MMAB: variants seen among roughly 807,000 people sequenced by gnomAD.
MMAB encodes metabolism of cobalamin associated B.
MMAB carries 17 observed loss-of-function variants against 30.6 expected under a neutral mutation model. The ratio of observed to expected loss-of-function variants is 0.56; its 90% CI spans 0.38 to 0.83. The LOEUF (loss-of-function observed/expected upper bound fraction) is 0.83. Ranked by LOEUF, MMAB falls within the 40% of genes least tolerant of loss-of-function variation. MMAB has a pLI of 0.00. For synonymous variants in MMAB, 134 were observed against 138.6 expected (o/e 0.97, Z 0.23); for missense variants, 311 against 331.6 (o/e 0.94, Z 0.48).
intron 4 of MMAB, among the ~76,000 whole-genome samples, 153 bp from the exon 5 acceptor site, chr12:109,562,005 T>G (rs1313629533): frequency 6.6e-6 from 1 of 152,172 alleles, no homozygotes; most frequent in Non-Finnish European, 1.5e-5. Context: ...CCCATCCAAA[T>G]CTCATGTTAA....
At position 109,556,026 on chromosome 12, in the gene MMAB, C is replaced by A. The variant is rs907744825; in HGVS notation, c.*1002G>T. ...TTCCAAAGTCATTTCCTGCAATTAG[C>A]AGCCTGCAGTCTTTAGGTTCTTGGG... On this transcript the variant is annotated 3_prime_UTR_variant, in exon 9 of 9. Coordinates refer to ENST00000545712, the MANE Select transcript of MMAB (RefSeq NM_052845.4). 1 of 454,086 alleles carries A rather than the reference C, an allele frequency of 2.2e-6. No homozygotes were observed. Among genetic ancestry groups the A allele is most frequent in the Non-Finnish European group, 4.4e-6 (1 of 226,768 alleles). The allele number at this position is 454,086 out of a possible 1,614,324, so 28.1% of individuals were successfully genotyped here.
chr12:109,566,517 T>C (rs527674953), intron 3 of MMAB, among the ~76,000 whole-genome samples: 1 of 152,318 alleles, frequency 6.6e-6, no homozygotes, highest in African/African-American at 2.4e-5. Context: ...ACAGGAGGTG[T>C]GCAGAAGTAC....
intron 7 of MMAB, among the ~76,000 whole-genome samples, chr12:109,559,513 G>T (rs1316733756): frequency 6.6e-6 from 1 of 152,166 alleles, no homozygotes; most frequent in Non-Finnish European, 1.5e-5. Context: ...AGGAAGTGGG[G>T]GCCTGACCCT....
In MMAB at chr12:109,556,330, G is replaced by A. The variant is rs934394581; in HGVS notation, c.*698C>T. On this transcript the variant is annotated 3_prime_UTR_variant, in exon 9 of 9. Coordinates refer to ENST00000545712, the MANE Select transcript of MMAB (RefSeq NM_052845.4). ...CCAGACAGGGAATGTTCACCTTCAA[G>A]TGGTAGTGTTGTTCTCATCAGCATC... 22 of 453,482 alleles carry A rather than the reference G, an allele frequency of 4.9e-5. No individual in the cohort carries two copies. The highest frequency in any genetic ancestry group is 9.7e-5 in the Non-Finnish European group (22 of 226,384). The allele number at this position is 453,482 out of a possible 1,614,324, so 28.1% of individuals were successfully genotyped here.
At chr12:109,560,354 C>T (rs1188937259) in intron 7 of MMAB, among the ~76,000 whole-genome samples, 1 of 152,182 alleles carries the variant, frequency 6.6e-6, no homozygotes. Context: ...GCCACCACCA[C>T]CTCTCTCCCA....
rs2136208348 is a variant in MMAB at position 109,568,811 on chromosome 12, A to C, written c.249T>G (p.Phe83Leu). 1 of 1,614,234 alleles carries C rather than the reference A, an allele frequency of 6.2e-7. No individual in the cohort carries two copies. Among genetic ancestry groups the C allele is most frequent in the Middle Eastern group, 1.6e-4 (1 of 6,062 alleles). The stretch of plus-strand genomic sequence containing the variant: ...ATTCATCTGTAGTTCCCACGGCTTC[A>C]AACACTTGGTCATCTTTGGGTCTCC... ...GERRPKDDQV[F>L]EAVGTTDELS... The change falls in exon 3 of 9, where the codon TTT becomes TTG. Residue 83 changes from phenylalanine to leucine, a missense_variant. By Grantham distance (22) the Phe-to-Leu change is conservative. Transcript: ENST00000545712.
intron 1 of MMAB, 114 bp downstream of exon 1, chr12:109,573,232 TG>T: frequency 7.1e-7 from 1 of 1,411,852 alleles, no homozygotes; most frequent in South Asian, 1.2e-5. Context: ...CAGAACAGCG[TG>T]GAGACGTCAC....
chr12:109,560,096 T>C (rs1474598648), intron 7 of MMAB, among the ~76,000 whole-genome samples: 1 of 152,260 alleles, frequency 6.6e-6, no homozygotes, highest in East Asian at 1.9e-4. Context: ...TGGATGGCTT[T>C]GTACAAATGA....
chr12:109,568,489 G>A (rs1884518081), intron 3 of MMAB: 5 of 562,426 alleles, frequency 8.9e-6, no homozygotes, highest in Non-Finnish European at 1.3e-5. Flanking sequence ...AACCTCAGTG[G>A]CACACACAGG....
Position 109,556,648 on chromosome 12 carries a change from T to TCACTCACA in MMAB, c.*379_*380insTGTGAGTG. On this transcript the variant is annotated 3_prime_UTR_variant, in exon 9 of 9. Coordinates refer to ENST00000545712, the MANE Select transcript of MMAB (RefSeq NM_052845.4). ...GAGCTGGCAGTGGGAGGGCTCTCTCTCACACACACACACACACACACACAC... is the reference window on the plus strand; with the variant it reads ...GAGCTGGCAGTGGGAGGGCTCTCTCTCACTCACACACACACACACACACACACACACAC... 1 of 326,728 alleles carries TCACTCACA rather than the reference T, an allele frequency of 3.1e-6. No homozygotes were observed. Among genetic ancestry groups the TCACTCACA allele is most frequent in the Non-Finnish European group, 6.1e-6 (1 of 164,786 alleles). 20.2% of individuals were successfully genotyped at this position (326,728 alleles called of 1,614,324 possible). A position where few individuals can be genotyped will look rare whatever the true frequency, so the allele number is the denominator to read the frequency against.
chr12:109,572,196 A>G (rs1224443627), intron 1 of MMAB, among the ~76,000 whole-genome samples: 2 of 152,150 alleles, frequency 1.3e-5, no homozygotes, highest in African/African-American at 4.8e-5. Context: ...GTCCTAGACC[A>G]GAGCACAAAC....
chr12:109,572,783 T>A (rs896000747), intron 1 of MMAB, among the ~76,000 whole-genome samples: 1 of 152,200 alleles, frequency 6.6e-6, no homozygotes, highest in African/African-American at 2.4e-5. Context: ...TTCCATAGTA[T>A]GAGGCTTCGA....
chr12:109,562,758 T>C (rs1034301598), intron 4 of MMAB, among the ~76,000 whole-genome samples: 11 of 152,206 alleles, frequency 7.2e-5, no homozygotes, highest in African/African-American at 2.7e-4. Context: ...GTGTGGGGAT[T>C]CTGGGAGCAG....
At position 109,555,752 on chromosome 12, in the gene MMAB, G is replaced by A. The variant is rs998609680; in HGVS notation, c.*1276C>T. ...AGCCTGTCAGCAATGAAAGGACCCA[G>A]AAGACACAAGTGAATATACCTGGCC... is the stretch of plus-strand genomic sequence containing the variant. On this transcript the variant is annotated 3_prime_UTR_variant, in exon 9 of 9. Transcript: ENST00000545712. 1 of 453,934 alleles carries A rather than the reference G, an allele frequency of 2.2e-6. No individual in the cohort carries two copies. The highest frequency in any genetic ancestry group is 2.0e-5 in the African/African-American group (1 of 49,998). The allele number at this position is 453,934 out of a possible 1,614,324, so 28.1% of individuals were successfully genotyped here.
At chr12:109,565,501 A>G (rs1884387765) in intron 3 of MMAB, among the ~76,000 whole-genome samples, 1 of 152,166 alleles carries the variant, frequency 6.6e-6, no homozygotes, top group Admixed American at 6.5e-5. Context: ...GTGAGCAGTG[A>G]CAGTCTCAAG....
Position 109,554,752 on chromosome 12 carries a change from C to T in MMAB, c.*2276G>A, listed in dbSNP as rs1007472829. ...GGGGTACACATCTTTTCTTTTGCCT[C>T]GGGCTCTTGATAGAGCTTTTGAAAG... On this transcript the variant is annotated 3_prime_UTR_variant, in exon 9 of 9. Transcript: ENST00000545712. The T allele has an allele frequency of 1.1e-5, 5 of 453,998 alleles. No homozygotes were observed. Among genetic ancestry groups the T allele is most frequent in the Admixed American group, 2.4e-5 (1 of 42,548 alleles). The allele number at this position is 453,998 out of a possible 1,614,324, so 28.1% of individuals were successfully genotyped here. A position where few individuals can be genotyped will look rare whatever the true frequency, so the allele number is the denominator to read the frequency against.
In MMAB at chr12:109,561,540, G is replaced by C; in HGVS notation, c.422-23C>G. The C allele has an allele frequency of 6.5e-7, 1 of 1,534,928 alleles. No homozygotes were observed. The highest frequency in any genetic ancestry group is 1.2e-5 in the South Asian group (1 of 83,746). On this transcript the variant is annotated intron_variant, in intron 5 of 8. Coordinates refer to ENST00000545712, the MANE Select transcript of MMAB (RefSeq NM_052845.4). The surrounding 1 kb of genome is among the most constrained non-coding windows in gnomAD (Gnocchi z 5.3). ...ACTCTGAGGAGCCAAGGAGCAGAGG[G>C]AACTGCCATGAGGCCATCACCCACC...
intron 2 of MMAB, chr12:109,570,107 G>GA: frequency 3.0e-6 from 1 of 330,954 alleles, no homozygotes; most frequent in South Asian, 2.2e-5. Context: ...ACTAAAAACA[G>GA]AAAAAATTAG....
At chr12:109,566,798 C>G (rs1043195063) in intron 3 of MMAB, among the ~76,000 whole-genome samples, 4 of 152,242 alleles carry the variant, frequency 2.6e-5, no homozygotes, top group Admixed American at 2.6e-4. Flanking sequence ...TTTCTCCAAC[C>G]TCCCGCTCCT....
Sources: gnomAD v4.1 joint callset for allele counts (sites outside exome capture counted in the v4.1 genomes callset) on GRCh38, gnomAD v4.1.1 for gene constraint, Gnocchi (gnomAD v3.1) non-coding constraint, MANE v1.5 for transcripts, NCBI Gene and HGNC (gene_info 2026-07-23, HGNC 2026-07-21) for gene names.